The following KCNQ3 variants were observed in gnomAD, a reference collection of about 807,000 sequenced individuals.
KCNQ3 encodes the protein potassium voltage-gated channel subfamily Q member 3.
A neutral mutation model predicts 92.5 loss-of-function variants in KCNQ3; 30 were observed. The ratio of observed to expected loss-of-function variants is 0.32; its 90% CI spans 0.24 to 0.44. The LOEUF is 0.44. Ranked by LOEUF, KCNQ3 falls within the 20% of genes least tolerant of loss-of-function variation. KCNQ3 has a pLI of 1.00. For missense variants in KCNQ3, 913 were observed against 1,140.3 expected (o/e 0.80, Z 2.87); for synonymous variants, 450 against 468.8 (o/e 0.96, Z 0.52).
chr8:132,319,210 A>G (rs1187099627), intron 1 of KCNQ3, among the ~76,000 whole-genome samples: 1 of 152,166 alleles, frequency 6.6e-6, no homozygotes, highest in Non-Finnish European at 1.5e-5. Context: ...CTGTGCATCA[A>G]ATTGCACAGA....
At chr8:132,347,531 A>G (rs528144250) in intron 1 of KCNQ3, among the ~76,000 whole-genome samples, 1 of 152,360 alleles carries the variant, frequency 6.6e-6, no homozygotes, top group South Asian at 2.1e-4. Flanking sequence ...ACAATGGCAA[A>G]TGGTGACAAA....
intron 1 of KCNQ3, among the ~76,000 whole-genome samples, chr8:132,444,624 A>T (rs1297367408): frequency 6.6e-6 from 1 of 152,220 alleles, no homozygotes; most frequent in Admixed American, 6.5e-5. Context: ...GAGCATGTTA[A>T]AATAAGCATA....
chr8:132,269,076 T>C (rs1816074182), intron 1 of KCNQ3, among the ~76,000 whole-genome samples: 1 of 152,266 alleles, frequency 6.6e-6, no homozygotes, highest in African/African-American at 2.4e-5. Context: ...TGGTCCATTT[T>C]TTAAATGAGT....
At chr8:132,330,767 T>C (rs185889544) in intron 1 of KCNQ3, among the ~76,000 whole-genome samples, 278 of 152,328 alleles carry the variant, frequency 1.8e-3, no homozygotes, top group Non-Finnish European at 2.8e-3. Flanking sequence ...TGATACACAC[T>C]TGCAGCTGGA....
intron 1 of KCNQ3, among the ~76,000 whole-genome samples, chr8:132,377,701 T>C (rs1251855005): frequency 6.6e-6 from 1 of 152,242 alleles, no homozygotes; most frequent in African/African-American, 2.4e-5. Flanking sequence ...TAGTGGGTGC[T>C]TGATAAATAT....
intron 1 of KCNQ3, chr8:132,277,853 T>G: frequency 1.4e-6 from 1 of 710,396 alleles, no homozygotes; most frequent in Non-Finnish European, 1.7e-6. Flanking sequence ...AGAAACCAGG[T>G]TGTTGGAAGG....
At chr8:132,289,380 T>C (rs576211965) in intron 1 of KCNQ3, among the ~76,000 whole-genome samples, 1 of 152,308 alleles carries the variant, frequency 6.6e-6, no homozygotes, top group South Asian at 2.1e-4. Flanking sequence ...ATCCTTGTGC[T>C]GAAAAGAGTT....
At chr8:132,454,365 T>G (rs1821891947) in intron 1 of KCNQ3, among the ~76,000 whole-genome samples, 1 of 152,214 alleles carries the variant, frequency 6.6e-6, no homozygotes, top group Non-Finnish European at 1.5e-5. Context: ...ATGTACAGTG[T>G]GCCCGGAGTG....
At chr8:132,303,893 C>T (rs2130592707) in intron 1 of KCNQ3, among the ~76,000 whole-genome samples, 1 of 150,318 alleles carries the variant, frequency 6.7e-6, no homozygotes, top group South Asian at 2.1e-4. Context: ...TAATATTTTA[C>T]ATATTATATG....
At chr8:132,143,395 C>A (rs111639619) in intron 9 of KCNQ3, among the ~76,000 whole-genome samples, 1 of 152,288 alleles carries the variant, frequency 6.6e-6, no homozygotes, top group Admixed American at 6.5e-5. Context: ...CATGCCTGCC[C>A]GCCCCACTGG....
intron 1 of KCNQ3, among the ~76,000 whole-genome samples, chr8:132,443,238 C>T (rs1195812526): frequency 1.3e-5 from 2 of 152,164 alleles, no homozygotes; most frequent in Non-Finnish European, 2.9e-5. Flanking sequence ...ATGGGAATCA[C>T]ACCCCTCCCC....
At chr8:132,361,002 A>G (rs1819151071) in intron 1 of KCNQ3, among the ~76,000 whole-genome samples, 1 of 152,184 alleles carries the variant, frequency 6.6e-6, no homozygotes, top group South Asian at 2.1e-4. Flanking sequence ...GCCTCAGTCC[A>G]GAATGCCACT....
At chr8:132,448,980 G>A (rs531898130) in intron 1 of KCNQ3, among the ~76,000 whole-genome samples, 39 of 152,324 alleles carry the variant, frequency 2.6e-4, no homozygotes, top group African/African-American at 6.5e-4. Flanking sequence ...AGGTTGCCAC[G>A]GTACGGCAGG....
At chr8:132,214,432 T>A (rs1171802474) in intron 1 of KCNQ3, among the ~76,000 whole-genome samples, 1 of 152,200 alleles carries the variant, frequency 6.6e-6, no homozygotes, top group African/African-American at 2.4e-5. Flanking sequence ...TCAAAATAAA[T>A]CTTAGGTACA....
intron 1 of KCNQ3, among the ~76,000 whole-genome samples, chr8:132,466,422 C>T (rs915767430): frequency 2.6e-5 from 4 of 152,138 alleles, no homozygotes; most frequent in African/African-American, 9.7e-5. Flanking sequence ...CCAGCCCCTG[C>T]CAAAAGTAGC....
rs1368597204 is a variant in KCNQ3 at position 132,480,739 on chromosome 8, G to T, written c.-207C>A. ...GGGAGGCCAGGCAGGGGGTCAGGGG[G>T]TCACATCCCGCGCGGGTCAGCCGCA... On this transcript the variant is annotated 5_prime_UTR_variant, in exon 1 of 15. Coordinates refer to ENST00000388996, the MANE Select transcript of KCNQ3 (RefSeq NM_004519.4). 1.2e-5 allele frequency: 4 copies of T among 320,134 alleles called. No individual in the cohort carries two copies. Among genetic ancestry groups the T allele is most frequent in the Non-Finnish European group, 1.8e-5 (4 of 218,664 alleles). The allele number at this position is 320,134 out of a possible 1,614,324, so 19.8% of individuals were successfully genotyped here. A position where few individuals can be genotyped will look rare whatever the true frequency, so the allele number is the denominator to read the frequency against.
intron 1 of KCNQ3, among the ~76,000 whole-genome samples, chr8:132,431,002 G>A (rs573085336): frequency 1.3e-5 from 2 of 152,188 alleles, no homozygotes; most frequent in Admixed American, 6.5e-5. Context: ...CCAAGAATAC[G>A]CTGGACAATG....
chr8:132,272,611 C>A (rs981297864), intron 1 of KCNQ3, among the ~76,000 whole-genome samples: 10 of 152,158 alleles, frequency 6.6e-5, no homozygotes, highest in African/African-American at 2.4e-4. Flanking sequence ...CAAATCACAT[C>A]TTACATGGAT....
intron 1 of KCNQ3, among the ~76,000 whole-genome samples, chr8:132,250,930 A>G (rs1304347792): frequency 2.6e-5 from 4 of 152,192 alleles, no homozygotes; most frequent in African/African-American, 9.7e-5. Context: ...GTAGTCAAAG[A>G]TCGACCTCTT....
Sources: gnomAD v4.1 joint callset for allele counts (sites outside exome capture counted in the v4.1 genomes callset) on GRCh38, gnomAD v4.1.1 for gene constraint, MANE v1.5 for transcripts, NCBI Gene and HGNC (gene_info 2026-07-23, HGNC 2026-07-21) for gene names.